The following AKAP13 variants were observed in gnomAD, a reference collection of about 807,000 sequenced individuals.
AKAP13 encodes the protein A-kinase anchoring protein 13, also known as A-kinase anchor protein 13.
A neutral mutation model predicts 264.5 loss-of-function variants in AKAP13; 80 were observed. The ratio of observed to expected loss-of-function variants is 0.30; its 90% confidence interval spans 0.25 to 0.36. AKAP13 has a LOEUF of 0.36. Ranked by LOEUF, AKAP13 falls within the 10% of genes least tolerant of loss-of-function variation. AKAP13 has a pLI of 1.00. For synonymous variants in AKAP13, 1,380 were observed against 1,250.2 expected, an observed-to-expected ratio of 1.10 and a Z score of -2.19; for missense variants, 3,712 against 3,435.2, an observed-to-expected ratio of 1.08 and a Z score of -2.01.
At chr15:85,513,084 C>T (rs974217481) in intron 2 of AKAP13, among the ~76,000 whole-genome samples, 2 of 152,136 alleles carry the variant, frequency 1.3e-5, no homozygotes, top group Non-Finnish European at 2.9e-5. Context: ...GGATTACAGG[C>T]GTGAGCCACC....
At chr15:85,529,292 G>T (rs1286562166) in intron 3 of AKAP13, among the ~76,000 whole-genome samples, 1 of 152,150 alleles carries the variant, frequency 6.6e-6, no homozygotes, top group Non-Finnish European at 1.5e-5. Flanking sequence ...ATGGTGGCGG[G>T]TGCCTGTAGT....
chr15:85,598,679 C>T (rs1168225722), intron 8 of AKAP13, among the ~76,000 whole-genome samples: 1 of 152,078 alleles, frequency 6.6e-6, no homozygotes, highest in African/African-American at 2.4e-5. Flanking sequence ...AGATTTCATC[C>T]CTCAAGAAGC....
chr15:85,635,129 A>G, intron 8 of AKAP13: 1 of 398,200 alleles, frequency 2.5e-6, no homozygotes. Flanking sequence ...TGACATTATG[A>G]AAAACTGCTA....
At chr15:85,606,090 CTTTTTTTTTTT>C (rs369008646) in intron 8 of AKAP13, among the ~76,000 whole-genome samples, 35 of 88,370 alleles carry the variant, frequency 4.0e-4, no homozygotes, top group African/African-American at 1.7e-3. Context: ...GTTTGATCTA[CTTTTTTTTTTT>C]TTTTTTTTTT....
At chr15:85,588,627 A>G (rs2079456089) in intron 8 of AKAP13, among the ~76,000 whole-genome samples, 1 of 152,218 alleles carries the variant, frequency 6.6e-6, no homozygotes, top group Admixed American at 6.5e-5. Flanking sequence ...TAAAGAAAAG[A>G]AAAGGTCTCC....
chr15:85,402,016 T>G (rs2071443400), intron 1 of AKAP13, among the ~76,000 whole-genome samples: 1 of 152,230 alleles, frequency 6.6e-6, no homozygotes, highest in Non-Finnish European at 1.5e-5. Context: ...TCAATAAATT[T>G]GGTTTAGTTT....
At chr15:85,407,760 C>T (rs944046480) in intron 1 of AKAP13, among the ~76,000 whole-genome samples, 5 of 151,606 alleles carry the variant, frequency 3.3e-5, no homozygotes, top group Non-Finnish European at 7.3e-5. Context: ...TGGGTGGAAG[C>T]GTCTTTTAGT....
intron 1 of AKAP13, among the ~76,000 whole-genome samples, chr15:85,439,134 A>G (rs2073488154): frequency 6.6e-6 from 1 of 152,188 alleles, no homozygotes; most frequent in African/African-American, 2.4e-5. Flanking sequence ...AAAAAAATAA[A>G]CAGCTCCATC....
chr15:85,669,966 C>A, intron 14 of AKAP13, 136 bp downstream of exon 14: 1 of 490,124 alleles, frequency 2.0e-6, no homozygotes, highest in South Asian at 3.9e-5. Context: ...TGGCTCAGCA[C>A]TTAAACAGAA....
chr15:85,561,256 CCG>C, intron 5 of AKAP13, among the ~76,000 whole-genome samples: 1 of 152,172 alleles, frequency 6.6e-6, no homozygotes, highest in East Asian at 1.9e-4. Context: ...CGGGGTTTCA[CCG>C]CATTGGCCAG....
chr15:85,520,004 A>G (rs900313362), intron 2 of AKAP13, among the ~76,000 whole-genome samples: 20 of 152,162 alleles, frequency 1.3e-4, no homozygotes, highest in Non-Finnish European at 2.5e-4. Context: ...TGATTTTTCT[A>G]TAGTGCATTA....
intron 1 of AKAP13, among the ~76,000 whole-genome samples, chr15:85,385,586 A>G (rs927229796): frequency 3.9e-5 from 6 of 152,106 alleles, no homozygotes; most frequent in African/African-American, 7.2e-5. Flanking sequence ...TTCTGTCTCC[A>G]TGGTTTTTTG....
intron 8 of AKAP13, chr15:85,624,655 C>G (rs901440969): frequency 2.6e-5 from 4 of 152,214 alleles, no homozygotes; most frequent in African/African-American, 7.2e-5. Flanking sequence ...CAGGCAGGAT[C>G]TCCTGAGACA....
Position 85,453,581 on chromosome 15 carries a change from C to G in AKAP13, c.-11-32129C>G, listed in dbSNP as rs984605505. Among the ~76,000 whole-genome samples the G allele has an allele frequency of 3.9e-5, 6 of 152,290 alleles. No homozygotes were observed. In the South Asian group the frequency reaches 1.2e-3, roughly 32 times the overall value. The stretch of plus-strand genomic sequence containing the variant: ...TGGCTGGAGACTCCAGTTGGGAGGT[C>G]CCCCAGTGAGGAGGAGCAGGATCAG... On this transcript the variant is annotated intron_variant, in intron 1 of 36. Coordinates refer to ENST00000394518, the MANE Select transcript of AKAP13 (RefSeq NM_007200.5).
intron 5 of AKAP13, among the ~76,000 whole-genome samples, chr15:85,546,305 A>G (rs1286888330): frequency 2.1e-5 from 3 of 141,078 alleles, no homozygotes; most frequent in Non-Finnish European, 4.7e-5. Context: ...ATAAATTTAT[A>G]TAATTGTTGT....
intron 1 of AKAP13, among the ~76,000 whole-genome samples, chr15:85,459,964 A>G (rs1210153481): frequency 2.0e-5 from 3 of 152,102 alleles, no homozygotes; most frequent in South Asian, 2.1e-4. Context: ...CCCTATTACT[A>G]TTGCCCATAT....
intron 15 of AKAP13, among the ~76,000 whole-genome samples, chr15:85,683,817 G>C (rs1228126092): frequency 3.3e-5 from 5 of 152,174 alleles, no homozygotes; most frequent in African/African-American, 1.2e-4. Flanking sequence ...ACCTAAGTTA[G>C]AACATGCCCA....
At chr15:85,480,680 C>G (rs1295544318) in intron 1 of AKAP13, among the ~76,000 whole-genome samples, 1 of 151,716 alleles carries the variant, frequency 6.6e-6, no homozygotes, top group Admixed American at 6.6e-5. Flanking sequence ...AGAGACACAC[C>G]ATTTCTTTCT....
At chr15:85,737,436 A>G (rs2088623391) in intron 33 of AKAP13, among the ~76,000 whole-genome samples, 1 of 152,162 alleles carries the variant, frequency 6.6e-6, no homozygotes, top group Admixed American at 6.5e-5. Context: ...TTTTTAGAGT[A>G]TAGTTCTCAA....
Sources: gnomAD v4.1 joint callset for allele counts (sites outside exome capture counted in the v4.1 genomes callset) on GRCh38, gnomAD v4.1.1 for gene constraint, MANE v1.5 for transcripts, NCBI Gene and HGNC (gene_info 2026-07-23, HGNC 2026-07-21) for gene names.